PRR16: variants seen among roughly 807,000 people sequenced by gnomAD.
PRR16 encodes protein Largen.
In PRR16, 6 loss-of-function variants were observed where a neutral mutation model predicts 18.2. That is an observed-to-expected ratio of 0.33 (90% CI 0.18 to 0.65). PRR16 has a LOEUF of 0.65. PRR16 is among the 30% of genes least tolerant of loss of function. The pLI is 0.74. For synonymous variants in PRR16, 151 were observed against 147.8 expected (o/e 1.02, Z -0.16); for missense variants, 412 against 376.6 (o/e 1.09, Z -0.78).
chr5:120,757,022 T>C, the PRR16 span, among the ~76,000 whole-genome samples: 1 of 152,152 alleles, frequency 6.6e-6, no homozygotes, highest in African/African-American at 2.4e-5. Flanking sequence ...GGTCCAGTTT[T>C]ATTCTTCTGC....
intron 1 of PRR16, among the ~76,000 whole-genome samples, chr5:120,474,159 C>T (rs1320143055): frequency 1.3e-5 from 2 of 152,124 alleles, no homozygotes; most frequent in Admixed American, 6.5e-5. Flanking sequence ...TTGATTCTTC[C>T]TTAGAGTAAA....
the PRR16 span, among the ~76,000 whole-genome samples, chr5:120,748,926 G>C: frequency 0.23 from 34,491 of 151,922 alleles, 4,567 homozygotes; most frequent in Non-Finnish European, 0.29. Flanking sequence ...ATATTTTGTT[G>C]TTAGCAATTT....
chr5:120,685,278 T>C (rs1486030880), intron 1 of PRR16, among the ~76,000 whole-genome samples: 1 of 152,134 alleles, frequency 6.6e-6, no homozygotes. Flanking sequence ...AGGCCATGAG[T>C]GAGTACAGAT....
chr5:120,525,957 C>CAAT, intron 1 of PRR16, among the ~76,000 whole-genome samples: 1 of 152,220 alleles, frequency 6.6e-6, no homozygotes, highest in African/African-American at 2.4e-5. Context: ...TTTCCCCATG[C>CAAT]AATAACAACA....
At chr5:120,654,362 T>C (rs1241789027) in intron 1 of PRR16, among the ~76,000 whole-genome samples, 3 of 152,014 alleles carry the variant, frequency 2.0e-5, no homozygotes, top group African/African-American at 7.2e-5. Context: ...AACCTTTGCT[T>C]CTTTGCATAG....
intron 1 of PRR16, among the ~76,000 whole-genome samples, chr5:120,566,815 T>C (rs567785682): frequency 7.2e-5 from 11 of 152,350 alleles, no homozygotes; most frequent in Non-Finnish European, 1.5e-4. Flanking sequence ...TAAATGTTAT[T>C]GAAGCTATTC....
chr5:120,481,240 C>A, intron 1 of PRR16: 1 of 518,648 alleles, frequency 1.9e-6, no homozygotes, highest in Non-Finnish European at 3.5e-6. Context: ...CTCTGCCTCC[C>A]AGGTTCAAGC....
intron 1 of PRR16, among the ~76,000 whole-genome samples, chr5:120,662,262 A>T (rs1756197897): frequency 6.6e-6 from 1 of 152,006 alleles, no homozygotes; most frequent in African/African-American, 2.4e-5. Context: ...ATTGTATTTT[A>T]CTCTTACCAT....
intron 1 of PRR16, among the ~76,000 whole-genome samples, chr5:120,508,736 TC>T (rs1750726669): frequency 1.3e-5 from 2 of 152,090 alleles, no homozygotes; most frequent in South Asian, 4.1e-4. Context: ...TTGAGTGTTT[TC>T]CCCATATACA....
the PRR16 span, among the ~76,000 whole-genome samples, chr5:120,762,198 G>T: frequency 6.6e-6 from 1 of 152,088 alleles, no homozygotes; most frequent in East Asian, 1.9e-4. Context: ...GTATCACTTT[G>T]ATATGTTAAT....
chr5:120,791,265 A>C, the PRR16 span, among the ~76,000 whole-genome samples: 631 of 152,174 alleles, frequency 4.1e-3, 8 homozygotes, highest in African/African-American at 0.014. Context: ...GAACTAATGG[A>C]AGATTGATAT....
At chr5:120,523,408 A>T (rs775399558) in intron 1 of PRR16, among the ~76,000 whole-genome samples, 1 of 152,170 alleles carries the variant, frequency 6.6e-6, no homozygotes, top group Non-Finnish European at 1.5e-5. Context: ...TAATGAGGCA[A>T]GTACTGTCTT....
intron 1 of PRR16, among the ~76,000 whole-genome samples, chr5:120,503,435 A>G (rs140933997): frequency 1.3e-5 from 2 of 152,178 alleles, no homozygotes; most frequent in Non-Finnish European, 2.9e-5. Context: ...AGAAATAATA[A>G]TAGACTCAGA....
At chr5:120,702,951 G>A in the PRR16 span, among the ~76,000 whole-genome samples, 2 of 152,154 alleles carry the variant, frequency 1.3e-5, no homozygotes, top group Admixed American at 6.5e-5. Flanking sequence ...CCGAGTCACG[G>A]CACTAAATTT....
the PRR16 span, among the ~76,000 whole-genome samples, chr5:120,754,153 A>AAT: frequency 4.9e-3 from 101 of 20,676 alleles, no homozygotes; most frequent in East Asian, 0.082. Context: ...ATAATATATA[A>AAT]ATATGATATA....
chr5:120,770,875 A>G, the PRR16 span, among the ~76,000 whole-genome samples: 2 of 150,720 alleles, frequency 1.3e-5, no homozygotes, highest in Admixed American at 6.6e-5. Context: ...CAACTCATTT[A>G]CTAGCTTTTC....
intron 1 of PRR16, among the ~76,000 whole-genome samples, chr5:120,566,718 T>C (rs1472116488): frequency 6.6e-6 from 1 of 152,230 alleles, no homozygotes; most frequent in Non-Finnish European, 1.5e-5. Flanking sequence ...TGAAAGGGCA[T>C]GTACTTTACA....
At position 120,664,308 on chromosome 5, in the gene PRR16, C is replaced by G. The variant is rs1052703676; in HGVS notation, c.160-21646C>G. Reference sequence around the variant, plus strand: ...AGTGAAACTCTGTCTCAAAAGAAAACAAAACAAAACAAAACAAAATGTACA... The same window carrying G: ...AGTGAAACTCTGTCTCAAAAGAAAAGAAAACAAAACAAAACAAAATGTACA... On this transcript the variant is annotated intron_variant, in intron 1 of 1. Coordinates refer to ENST00000407149, the MANE Select transcript of PRR16 (RefSeq NM_001300783.2). Among the ~76,000 whole-genome samples the G allele has an allele frequency of 9.2e-5, 14 of 151,484 alleles. No individual in the cohort carries two copies. The South Asian group carries it at 1.0e-3, about 11-fold the overall frequency.
At chr5:120,744,466 A>G in the PRR16 span, among the ~76,000 whole-genome samples, 1 of 152,184 alleles carries the variant, frequency 6.6e-6, no homozygotes. Flanking sequence ...TCTTTCCTGC[A>G]TATGCTCTGT....
Sources: gnomAD v4.1 joint callset for allele counts (sites outside exome capture counted in the v4.1 genomes callset) on GRCh38, gnomAD v4.1.1 for gene constraint, MANE v1.5 for transcripts, NCBI Gene and HGNC (gene_info 2026-07-23, HGNC 2026-07-21) for gene names.